Variants in CLSTN2 observed in about 807,000 individuals in gnomAD.
CLSTN2 encodes the protein calsyntenin 2, also known as calsyntenin-2.
A neutral mutation model predicts 101.2 loss-of-function variants in CLSTN2; 48 were observed. That is an observed-to-expected ratio of 0.47 (90% CI 0.38 to 0.60). The LOEUF is 0.60. CLSTN2 is among the 20% of genes least tolerant of loss of function. The probability of loss-of-function intolerance (pLI) is 0.00; values close to 1 mark genes in which losing one functional copy is unlikely to be tolerated. For synonymous variants in CLSTN2, 481 were observed against 463.6 expected (o/e 1.04, Z -0.48); for missense variants, 1,160 against 1,238.2 (o/e 0.94, Z 0.95).
Position 140,391,200 on chromosome 3 carries a change from T to C in CLSTN2, c.233-12429T>C, listed in dbSNP as rs1200958555. On this transcript the variant is annotated intron_variant, in intron 2 of 16. Coordinates refer to ENST00000458420, the MANE Select transcript of CLSTN2 (RefSeq NM_022131.3). ...TACCTGCTAGAAAGACAACAGGCTT[T>C]CTATCAAAGTTTTAGCCTCCACGCT... 4.6e-5 allele frequency among the ~76,000 whole-genome samples: 7 copies of C among 152,144 alleles called. No individual in the cohort carries two copies. In the South Asian group the frequency reaches 1.0e-3, roughly 23 times the overall value.
At chr3:140,339,110 T>G (rs2087468736) in intron 2 of CLSTN2, among the ~76,000 whole-genome samples, 1 of 152,204 alleles carries the variant, frequency 6.6e-6, no homozygotes, top group African/African-American at 2.4e-5. Flanking sequence ...CTGGCTCATG[T>G]GTGGGCTCAA....
intron 5 of CLSTN2, among the ~76,000 whole-genome samples, chr3:140,446,823 C>T (rs1933092290): frequency 6.6e-6 from 1 of 152,136 alleles, no homozygotes; most frequent in Admixed American, 6.5e-5. Flanking sequence ...TAAAGGAGCC[C>T]CTCTCTATCA....
At chr3:140,026,914 G>A (rs1174162791) in intron 1 of CLSTN2, among the ~76,000 whole-genome samples, 1 of 152,236 alleles carries the variant, frequency 6.6e-6, no homozygotes, top group Non-Finnish European at 1.5e-5. Flanking sequence ...CAAGGTGGGA[G>A]AGTGACTGCA....
chr3:140,403,061 G>A (rs938581370), intron 2 of CLSTN2, among the ~76,000 whole-genome samples: 3 of 152,290 alleles, frequency 2.0e-5, no homozygotes, highest in South Asian at 2.1e-4. Context: ...TATTATCATG[G>A]CATTATAATT....
intron 8 of CLSTN2, among the ~76,000 whole-genome samples, chr3:140,515,689 T>C (rs1463611603): frequency 6.6e-6 from 1 of 152,186 alleles, no homozygotes; most frequent in East Asian, 1.9e-4. Context: ...AGGGTTCTTT[T>C]TGGAGTTGAT....
intron 2 of CLSTN2, among the ~76,000 whole-genome samples, chr3:140,321,122 A>C (rs1314014174): frequency 6.6e-6 from 1 of 152,154 alleles, no homozygotes. Flanking sequence ...ACTGCTTGTG[A>C]GAGGTTGTGG....
chr3:140,219,224 T>C (rs988413145), intron 2 of CLSTN2, among the ~76,000 whole-genome samples: 32 of 152,084 alleles, frequency 2.1e-4, no homozygotes, highest in Non-Finnish European at 4.3e-4. Flanking sequence ...TAGCCTTCCA[T>C]AAAGAGTAGG....
At chr3:140,234,401 G>T (rs951166358) in intron 2 of CLSTN2, among the ~76,000 whole-genome samples, 6 of 151,964 alleles carry the variant, frequency 3.9e-5, no homozygotes, top group Admixed American at 3.9e-4. Flanking sequence ...GCTTACCAAT[G>T]GTGTGAACTG....
At chr3:140,457,292 G>A (rs569954699) in intron 6 of CLSTN2, among the ~76,000 whole-genome samples, 1 of 152,304 alleles carries the variant, frequency 6.6e-6, no homozygotes, top group East Asian at 1.9e-4. Flanking sequence ...GGCCGTCCCA[G>A]GTTTCAGGAA....
intron 2 of CLSTN2, among the ~76,000 whole-genome samples, chr3:140,245,292 T>C (rs1220296945): frequency 6.6e-6 from 1 of 152,186 alleles, no homozygotes; most frequent in African/African-American, 2.4e-5. Flanking sequence ...ATAAATTTTA[T>C]TTAATTCTAA....
intron 2 of CLSTN2, among the ~76,000 whole-genome samples, chr3:140,334,197 A>G (rs2087419066): frequency 6.6e-6 from 1 of 152,216 alleles, no homozygotes; most frequent in Non-Finnish European, 1.5e-5. Context: ...GTACATCAAG[A>G]AAAGCATCCA....
chr3:140,338,280 G>A (rs2087461660), intron 2 of CLSTN2, among the ~76,000 whole-genome samples: 1 of 152,054 alleles, frequency 6.6e-6, no homozygotes, highest in African/African-American at 2.4e-5. Flanking sequence ...TCCACTTTCT[G>A]CTCCGTACTG....
chr3:140,250,817 T>C (rs531128156), intron 2 of CLSTN2, among the ~76,000 whole-genome samples: 2 of 152,364 alleles, frequency 1.3e-5, no homozygotes, highest in South Asian at 4.1e-4. Context: ...ATTTTAATAA[T>C]ACAGTCTTCA....
intron 2 of CLSTN2, among the ~76,000 whole-genome samples, chr3:140,179,646 A>AC (rs2010378435): frequency 6.7e-6 from 1 of 149,584 alleles, no homozygotes; most frequent in Non-Finnish European, 1.5e-5. Flanking sequence ...AAAAAAAAAA[A>AC]AAAAAACCTT....
At chr3:140,127,610 A>G in intron 1 of CLSTN2, among the ~76,000 whole-genome samples, 1 of 152,134 alleles carries the variant, frequency 6.6e-6, no homozygotes, top group East Asian at 1.9e-4. Context: ...GGCTGTCAGG[A>G]ATCACAGCTC....
intron 2 of CLSTN2, among the ~76,000 whole-genome samples, chr3:140,371,293 G>A (rs1400508644): frequency 1.3e-5 from 2 of 151,926 alleles, no homozygotes; most frequent in East Asian, 1.9e-4. Context: ...GGCTGGAGCT[G>A]GAAGGCATGG....
chr3:140,109,847 A>G (rs1330515043), intron 1 of CLSTN2, among the ~76,000 whole-genome samples: 1 of 152,114 alleles, frequency 6.6e-6, no homozygotes. Flanking sequence ...CCAGCTTTGC[A>G]ATTAACATCC....
At chr3:140,105,539 G>A (rs1320054931) in intron 1 of CLSTN2, among the ~76,000 whole-genome samples, 1 of 152,186 alleles carries the variant, frequency 6.6e-6, no homozygotes, top group African/African-American at 2.4e-5. Flanking sequence ...CCTAGGACCT[G>A]GGCATCTATA....
chr3:139,954,400 A>C (rs758587565), intron 1 of CLSTN2, among the ~76,000 whole-genome samples: 2 of 152,142 alleles, frequency 1.3e-5, no homozygotes, highest in Non-Finnish European at 2.9e-5. Context: ...TGCTAGAGTA[A>C]GCTGTGCTGT....
Sources: gnomAD v4.1 joint callset for allele counts (sites outside exome capture counted in the v4.1 genomes callset) on GRCh38, gnomAD v4.1.1 for gene constraint, MANE v1.5 for transcripts, NCBI Gene and HGNC (gene_info 2026-07-23, HGNC 2026-07-21) for gene names.